Variants in ACYP2 observed in about 807,000 individuals in gnomAD.
ACYP2 encodes the protein acylphosphatase 2.
A neutral mutation model predicts 11.2 loss-of-function variants in ACYP2; 12 were observed. The observed-to-expected ratio is 1.08, with a 90% CI of 0.69 to 1.74. ACYP2 has a LOEUF of 1.74. Ranked by LOEUF, ACYP2 falls within the 40% of genes most tolerant of loss-of-function variation. The pLI, the probability that ACYP2 is intolerant of heterozygous loss-of-function variation, is 0.00. For synonymous variants in ACYP2, 43 were observed against 32.2 expected (o/e 1.33, Z -1.13); for missense variants, 134 against 101.9 (o/e 1.31, Z -1.35).
At chr2:53,984,311 C>T (rs1671907657) in intron 2 of ACYP2, among the ~76,000 whole-genome samples, 1 of 152,086 alleles carries the variant, frequency 6.6e-6, no homozygotes, top group African/African-American at 2.4e-5. Flanking sequence ...GGCGAGGCAG[C>T]TTATGTCTGT....
At chr2:54,245,910 T>C (rs1244121622) in intron 6 of ACYP2, among the ~76,000 whole-genome samples, 2 of 152,176 alleles carry the variant, frequency 1.3e-5, no homozygotes, top group Admixed American at 6.5e-5. Context: ...TTTTGAGGTC[T>C]TATTCATAAA....
At chr2:53,978,376 A>G (rs1198329547) in intron 2 of ACYP2, among the ~76,000 whole-genome samples, 1 of 152,196 alleles carries the variant, frequency 6.6e-6, no homozygotes, top group African/African-American at 2.4e-5. Context: ...CAAATCATGC[A>G]GGTGATTAAT....
intron 2 of ACYP2, among the ~76,000 whole-genome samples, chr2:54,041,311 T>C (rs997336803): frequency 6.6e-6 from 1 of 152,086 alleles, no homozygotes; most frequent in Non-Finnish European, 1.5e-5. Context: ...GCCCAGAATA[T>C]GGGCATGATG....
At chr2:54,174,266 T>G (rs1187330193) in intron 6 of ACYP2, among the ~76,000 whole-genome samples, 1 of 152,222 alleles carries the variant, frequency 6.6e-6, no homozygotes, top group African/African-American at 2.4e-5. Context: ...TAAGTTGGAT[T>G]CCTAGGTATT....
chr2:53,975,322 A>G, intron 2 of ACYP2: 1 of 398,544 alleles, frequency 2.5e-6, no homozygotes, highest in Non-Finnish European at 4.4e-6. Flanking sequence ...TTACGGGAGC[A>G]AGCAAAATAA....
chr2:54,232,313 A>T (rs10439478), intron 6 of ACYP2, among the ~76,000 whole-genome samples: 151 of 151,920 alleles, frequency 9.9e-4, no homozygotes, highest in Non-Finnish European at 1.8e-3. Context: ...TTTCCCAGAA[A>T]GAAGCTCTTG....
At chr2:54,217,103 G>T (rs1685588370) in intron 6 of ACYP2, among the ~76,000 whole-genome samples, 1 of 151,622 alleles carries the variant, frequency 6.6e-6, no homozygotes, top group South Asian at 2.1e-4. Context: ...TTCCTTTCTT[G>T]ACCCATTGCA....
intron 6 of ACYP2, among the ~76,000 whole-genome samples, chr2:54,223,295 GCTA>G (rs1685876192): frequency 6.6e-6 from 1 of 152,106 alleles, no homozygotes; most frequent in Non-Finnish European, 1.5e-5. Context: ...TAATATAAGA[GCTA>G]CTCTTTTCTT....
At chr2:54,080,747 C>T (rs961925445) in intron 4 of ACYP2, among the ~76,000 whole-genome samples, 1 of 151,994 alleles carries the variant, frequency 6.6e-6, no homozygotes, top group Non-Finnish European at 1.5e-5. Flanking sequence ...CTCGGCCTCC[C>T]AAATTGCTGG....
At chr2:54,171,608 G>A (rs1475698534) in intron 6 of ACYP2, among the ~76,000 whole-genome samples, 5 of 152,110 alleles carry the variant, frequency 3.3e-5, no homozygotes, top group Non-Finnish European at 1.5e-5. Context: ...ATTTTCACCA[G>A]TAGAAGCATT....
chr2:54,218,502 T>C (rs1354464131), intron 6 of ACYP2, among the ~76,000 whole-genome samples: 3 of 152,236 alleles, frequency 2.0e-5, no homozygotes, highest in African/African-American at 4.8e-5. Flanking sequence ...TACTAAACAT[T>C]GAAGAGTTGT....
intron 6 of ACYP2, among the ~76,000 whole-genome samples, chr2:54,249,556 A>G (rs1334268248): frequency 1.3e-5 from 2 of 152,166 alleles, no homozygotes; most frequent in Non-Finnish European, 2.9e-5. Flanking sequence ...AAGAAAAGCC[A>G]GAGGGAGGTC....
intron 2 of ACYP2, among the ~76,000 whole-genome samples, chr2:54,050,357 A>C (rs2104570206): frequency 6.6e-6 from 1 of 151,936 alleles, no homozygotes; most frequent in East Asian, 1.9e-4. Flanking sequence ...AGATCAGTCT[A>C]AGCACACATA....
At chr2:53,977,332 G>A (rs1423819398) in intron 2 of ACYP2, among the ~76,000 whole-genome samples, 7 of 152,068 alleles carry the variant, frequency 4.6e-5, no homozygotes, top group East Asian at 2.0e-4. Flanking sequence ...GGCGTGAGCC[G>A]CCGCGCCTGG....
intron 6 of ACYP2, chr2:54,256,343 CTT>C: frequency 1.6e-6 from 1 of 617,512 alleles, no homozygotes; most frequent in South Asian, 2.2e-5. Context: ...GTCTTTACGT[CTT>C]TGTTATTTTA....
intron 2 of ACYP2, among the ~76,000 whole-genome samples, chr2:54,037,230 G>A (rs545059521): frequency 2.7e-5 from 4 of 150,924 alleles, no homozygotes; most frequent in African/African-American, 7.3e-5. Context: ...CTCTGGCCTC[G>A]GCCTCCCAAA....
At chr2:54,264,103 T>C (rs1411683388) in intron 6 of ACYP2, among the ~76,000 whole-genome samples, 1 of 152,094 alleles carries the variant, frequency 6.6e-6, no homozygotes, top group East Asian at 1.9e-4. Context: ...TTCTTAAAGA[T>C]GGTGTGTGCA....
chr2:54,012,489 C>T (rs922855138), intron 2 of ACYP2, among the ~76,000 whole-genome samples: 1 of 152,186 alleles, frequency 6.6e-6, no homozygotes, highest in Non-Finnish European at 1.5e-5. Flanking sequence ...GCACTCTAGC[C>T]TAGGCATGAG....
intron 2 of ACYP2, among the ~76,000 whole-genome samples, chr2:54,024,028 A>G (rs1346256598): frequency 1.3e-5 from 2 of 152,186 alleles, no homozygotes; most frequent in Admixed American, 6.5e-5. Context: ...ATGAACATAG[A>G]TGCAAAAATC....
Sources: allele counts gnomAD v4.1 joint callset (sites outside exome capture counted in the v4.1 genomes callset), GRCh38; gene constraint gnomAD v4.1.1; transcripts MANE v1.5; gene names NCBI Gene and HGNC (gene_info 2026-07-23, HGNC 2026-07-21).